The following CERS3 variants were observed in gnomAD, a reference collection of about 807,000 sequenced individuals.
CERS3 encodes ceramide synthase 3.
CERS3 carries 33 observed loss-of-function variants against 50.3 expected under a neutral mutation model. The ratio of observed to expected loss-of-function variants is 0.66; its 90% CI spans 0.50 to 0.88. The LOEUF (loss-of-function observed/expected upper bound fraction) is 0.88, where lower values mean the gene tolerates loss of function less well. CERS3 is among the 40% of genes least tolerant of loss of function. The pLI, the probability that CERS3 is intolerant of heterozygous loss-of-function variation, is 0.00. For missense variants in CERS3, 470 were observed against 460.3 expected (o/e 1.02, Z -0.19); for synonymous variants, 176 against 155.2 (o/e 1.13, Z -0.99).
At chr15:100,442,033 G>C (rs1003313607) in intron 11 of CERS3, among the ~76,000 whole-genome samples, 2 of 152,106 alleles carry the variant, frequency 1.3e-5, no homozygotes, top group East Asian at 1.9e-4. Flanking sequence ...CACCCAGGCC[G>C]GCTTACAGTT....
intron 7 of CERS3, 46 bp from the exon 8 acceptor site, chr15:100,476,224 G>A (rs2035122750): frequency 7.6e-7 from 1 of 1,324,312 alleles, no homozygotes; most frequent in South Asian, 1.4e-5. Flanking sequence ...CATCATAGAA[G>A]CAACTCATTT....
At chr15:100,421,282 A>G (rs1182452878) in intron 11 of CERS3, among the ~76,000 whole-genome samples, 3 of 149,018 alleles carry the variant, frequency 2.0e-5, no homozygotes, top group African/African-American at 7.4e-5. Context: ...ATTCTTATAC[A>G]CCAATAACAG....
At chr15:100,529,122 G>C (rs1237217154), upstream of CERS3, 1 of 152,210 alleles carries the variant, frequency 6.6e-6, no homozygotes, top group African/African-American at 2.4e-5. Context: ...AGTTACAAAT[G>C]CATCAGTTGC....
At chr15:100,466,665 GC>G (rs151021196) in intron 10 of CERS3, among the ~76,000 whole-genome samples, 109,929 of 151,334 alleles carry the variant, frequency 0.73, 41,707 homozygotes, top group Middle Eastern at 0.85. Flanking sequence ...CCAGCGGACA[GC>G]CCCCAGCTGA....
rs1491268346 is a variant in CERS3 at position 100,483,765 on chromosome 15, A to ATT, written c.407+784_407+785insAA. 7.6e-5 allele frequency among the ~76,000 whole-genome samples: 10 copies of ATT among 131,408 alleles called. 1 individual carries two copies. The highest frequency in any genetic ancestry group is 2.0e-4 in the African/African-American group (7 of 34,448). 86.2% of individuals were successfully genotyped at this position (131,408 alleles called of 152,430 possible). ...TCACATCATTGGCAGAAGGATCAATAATAATAATAATTATTATTATTATTT... is the reference window on the plus strand; with the variant it reads ...TCACATCATTGGCAGAAGGATCAATATTATAATAATAATTATTATTATTATTT... On this transcript the variant is annotated intron_variant, in intron 5 of 11. Transcript: ENST00000679737.
intron 11 of CERS3, among the ~76,000 whole-genome samples, chr15:100,431,910 A>T (rs1225750322): frequency 6.6e-6 from 1 of 152,206 alleles, no homozygotes; most frequent in Non-Finnish European, 1.5e-5. Flanking sequence ...AAAAGTCTGG[A>T]ATCCTGGGAG....
chr15:100,542,000 AT>A (rs1459078932), intron 1 of CERS3, among the ~76,000 whole-genome samples: 3 of 152,238 alleles, frequency 2.0e-5, no homozygotes, highest in Non-Finnish European at 4.4e-5. Flanking sequence ...CCAGGAAATT[AT>A]TTCCTAGAAA....
At chr15:100,487,311 C>T (rs943797542) in intron 4 of CERS3, among the ~76,000 whole-genome samples, 1 of 152,154 alleles carries the variant, frequency 6.6e-6, no homozygotes, top group African/African-American at 2.4e-5. Flanking sequence ...AATAGCTGAC[C>T]TTTACTGAGC....
At chr15:100,529,339 A>G (rs910547491), upstream of CERS3, 1 of 152,260 alleles carries the variant, frequency 6.6e-6, no homozygotes, top group Non-Finnish European at 1.5e-5. Flanking sequence ...AATCACCACC[A>G]TGCCACAAAA....
At chr15:100,434,688 G>A (rs1014425344) in intron 11 of CERS3, among the ~76,000 whole-genome samples, 3 of 152,042 alleles carry the variant, frequency 2.0e-5, no homozygotes, top group African/African-American at 7.2e-5. Context: ...TTTTTACCAA[G>A]CTCTCTGGCC....
chr15:100,480,318 G>C (rs1205272993), intron 5 of CERS3, among the ~76,000 whole-genome samples: 1 of 152,174 alleles, frequency 6.6e-6, no homozygotes, highest in African/African-American at 2.4e-5. Context: ...AACAGGTCTA[G>C]CATAAAGTAA....
At chr15:100,538,284 A>C (rs1054774672) in intron 1 of CERS3, among the ~76,000 whole-genome samples, 2 of 152,192 alleles carry the variant, frequency 1.3e-5, no homozygotes, top group Non-Finnish European at 2.9e-5. Context: ...GGAGGATGGT[A>C]GCCCTCTTCT....
At position 100,483,861 on chromosome 15, in the gene CERS3, A is replaced by G. The variant is rs949535037; in HGVS notation, c.407+689T>C. Among the ~76,000 whole-genome samples, 34 of 143,508 alleles carry G rather than the reference A, an allele frequency of 2.4e-4. No homozygotes were observed. In the East Asian group the frequency reaches 7.0e-3, roughly 30 times the overall value. 94.1% of individuals were successfully genotyped at this position (143,508 alleles called of 152,430 possible). A position where few individuals can be genotyped will look rare whatever the true frequency, so the allele number is the denominator to read the frequency against. ...AGTGGCGGGATCTCGGCTCACTGCA[A>G]GCTCCGCCTCCCAGGTTCACGCCAT... is the stretch of plus-strand genomic sequence containing the variant. On this transcript the variant is annotated intron_variant, in intron 5 of 11. Coordinates refer to ENST00000679737, the MANE Select transcript of CERS3 (RefSeq NM_001378789.1).
intron 3 of CERS3, among the ~76,000 whole-genome samples, chr15:100,497,872 CACACACACACACACACACACACACTT>C (rs1431085165): frequency 1.3e-5 from 1 of 79,142 alleles, no homozygotes; most frequent in Admixed American, 1.4e-4. Flanking sequence ...CACACACACA[CACACACACACACACACACACACACTT>C]TTTTTTTTTT....
At chr15:100,442,242 C>A (rs906290828) in intron 11 of CERS3, among the ~76,000 whole-genome samples, 1 of 152,166 alleles carries the variant, frequency 6.6e-6, no homozygotes, top group Admixed American at 6.5e-5. Context: ...CACTTTACAG[C>A]CCTAGACCCT....
intron 11 of CERS3, among the ~76,000 whole-genome samples, chr15:100,443,329 C>T (rs545585449): frequency 6.6e-6 from 1 of 151,212 alleles, no homozygotes. Context: ...TTATCACTCT[C>T]CTGCTACAGC....
intron 1 of CERS3, among the ~76,000 whole-genome samples, chr15:100,542,967 G>A (rs2037237178): frequency 1.3e-5 from 2 of 152,148 alleles, no homozygotes; most frequent in South Asian, 4.1e-4. Flanking sequence ...AGGCCGGAGT[G>A]CAGTAGTAGG....
Position 100,501,743 on chromosome 15 carries a change from G to A in CERS3, c.107C>T (p.Pro36Leu). 6.2e-7 allele frequency: 1 copy of A among 1,613,994 alleles called. No individual in the cohort carries two copies. Among genetic ancestry groups the A allele is most frequent in the East Asian group, 2.2e-5 (1 of 44,880 alleles). ...EDHDGLVFVK[P>L]SHLYVTIPYA... ...TGGAATTGTCACGTATAAATGAGAA[G>A]GTTTTACAAAGACGAGTCCATCGTG... The change falls in exon 3 of 12, where the codon CCT becomes CTT. Residue 36 changes from proline to leucine, a missense_variant. Coordinates refer to ENST00000679737, the MANE Select transcript of CERS3 (RefSeq NM_001378789.1).
intron 4 of CERS3, among the ~76,000 whole-genome samples, chr15:100,490,539 C>A (rs1286478534): frequency 6.6e-6 from 1 of 152,106 alleles, no homozygotes; most frequent in African/African-American, 2.4e-5. Context: ...TAAATGTTGA[C>A]CTTTATTCCC....
Sources: allele counts gnomAD v4.1 joint callset (sites outside exome capture counted in the v4.1 genomes callset), GRCh38; gene constraint gnomAD v4.1.1; transcripts MANE v1.5; gene names NCBI Gene and HGNC (gene_info 2026-07-23, HGNC 2026-07-21).